Variants in ZNF185 observed in about 807,000 individuals in gnomAD.
The protein encoded by ZNF185 is zinc finger protein 185 with LIM domain, also known as zinc finger protein 185.
ZNF185 carries 56 observed loss-of-function variants against 58.6 expected under a neutral mutation model. The ratio of observed to expected loss-of-function variants is 0.95; its 90% CI spans 0.77 to 1.19. The LOEUF (loss-of-function observed/expected upper bound fraction) is 1.19. Ranked by LOEUF, ZNF185 falls within the 50% of genes most tolerant of loss-of-function variation. ZNF185 has a pLI of 0.00. For synonymous variants in ZNF185, 230 were observed against 215.9 expected (o/e 1.07, Z -0.57); for missense variants, 627 against 573.5 (o/e 1.09, Z -0.95).
Position 152,925,765 on chromosome X carries a change from C to T in ZNF185, c.831-2810C>T, listed in dbSNP as rs191695656. On this transcript the variant is annotated intron_variant, in intron 11 of 22. Transcript: ENST00000449285. ...CGTGAGGAACAATGACTCAATCAAA[C>T]TCAGGGTCCTGCAGCACTTCAGAAA... Among the ~76,000 whole-genome samples, 3 of 112,328 alleles carry T rather than the reference C, an allele frequency of 2.7e-5. No individual in the cohort carries two copies. The Admixed American group carries it at 2.8e-4, about 11-fold the overall frequency.
chrX:152,960,720 C>T (rs1303480081), intron 17 of ZNF185, among the ~76,000 whole-genome samples: 1 of 112,306 alleles, frequency 8.9e-6, no homozygotes, highest in African/African-American at 3.2e-5. Context: ...TTTATATCAT[C>T]CTGAAACATT....
At chrX:152,941,197 C>T (rs2047137797) in intron 15 of ZNF185, among the ~76,000 whole-genome samples, 1 of 111,843 alleles carries the variant, frequency 8.9e-6, no homozygotes, top group African/African-American at 3.3e-5. Context: ...CAGGCTAGGT[C>T]GAGAACCATC....
the ZNF185 span, among the ~76,000 whole-genome samples, chrX:152,906,516 C>T: frequency 3.5e-5 from 4 of 113,254 alleles, no homozygotes; most frequent in Non-Finnish European, 7.5e-5. Context: ...TCCACTTGTA[C>T]TTGACAGATC....
intron 16 of ZNF185, among the ~76,000 whole-genome samples, chrX:152,947,792 C>G (rs1400097756): frequency 8.9e-6 from 1 of 112,036 alleles, no homozygotes; most frequent in African/African-American, 3.2e-5. Context: ...GGACAGTTGT[C>G]CAGCCAGGCC....
At chrX:152,964,517 A>G (rs1556913027) in intron 18 of ZNF185, among the ~76,000 whole-genome samples, 1 of 111,734 alleles carries the variant, frequency 8.9e-6, no homozygotes, top group East Asian at 2.8e-4. Context: ...AAACAACCAG[A>G]TCTTGTGTGA....
chrX:152,928,293 G>A (rs1556874261), intron 11 of ZNF185, among the ~76,000 whole-genome samples: 1 of 112,295 alleles, frequency 8.9e-6, no homozygotes, highest in African/African-American at 3.2e-5. Flanking sequence ...CCTGCAAATG[G>A]TTGGTAGAAG....
At chrX:152,899,374 C>T in the ZNF185 span, among the ~76,000 whole-genome samples, 5 of 113,003 alleles carry the variant, frequency 4.4e-5, no homozygotes, top group African/African-American at 9.6e-5. Context: ...AGCTCAGAGG[C>T]CAGCAAGTGG....
intron 17 of ZNF185, among the ~76,000 whole-genome samples, chrX:152,962,592 C>T (rs782623201): frequency 8.9e-6 from 1 of 111,971 alleles, no homozygotes; most frequent in South Asian, 3.7e-4. Context: ...TTTTGTGGGG[C>T]CTCCTCTCCC....
intron 11 of ZNF185, among the ~76,000 whole-genome samples, chrX:152,926,089 TC>T (rs782651005): frequency 8.9e-6 from 1 of 112,493 alleles, no homozygotes; most frequent in East Asian, 2.8e-4. Flanking sequence ...TGGGTCCCGG[TC>T]CTAGGCTCTG....
chrX:152,917,711 CCTTGA>C (rs1179126793), intron 5 of ZNF185, among the ~76,000 whole-genome samples: 2 of 112,431 alleles, frequency 1.8e-5, no homozygotes, highest in Non-Finnish European at 3.8e-5. Flanking sequence ...CAGTGGGCAC[CCTTGA>C]CTTGACTTGC....
chrX:152,918,938 G>A (rs1939115575), intron 6 of ZNF185, 45 bp from the exon 8 acceptor site: 1 of 1,037,512 alleles, frequency 9.6e-7, no homozygotes. Flanking sequence ...CCAAGCTGCT[G>A]AGGGTGGCAG....
chrX:152,898,537 G>A, the ZNF185 span, among the ~76,000 whole-genome samples: 1 of 112,486 alleles, frequency 8.9e-6, no homozygotes, highest in South Asian at 3.7e-4. Context: ...GTTAGTAAAC[G>A]GCGAGGGGCC....
intron 12 of ZNF185, 43 bp downstream of exon 13, chrX:152,928,704 C>G (rs1556874857): frequency 1.7e-6 from 2 of 1,167,800 alleles, no homozygotes; most frequent in East Asian, 3.0e-5. Flanking sequence ...GGACACCATT[C>G]TAGAGATGGA....
chrX:152,917,845 A>G, intron 5 of ZNF185: 1 of 1,070,777 alleles, frequency 9.3e-7, no homozygotes, highest in Non-Finnish European at 1.2e-6. Context: ...GCAAAGACAC[A>G]GGCAAGAGCC....
At chrX:152,914,728 G>A (rs1556864157) in exon 2 of ZNF185, 2 of 1,198,325 alleles carry the variant, frequency 1.7e-6, no homozygotes, top group Non-Finnish European at 1.1e-6. Flanking sequence ...CTGCCACCAG[G>A]CGAGGAGGAG....
chrX:152,968,472 C>T (rs782221891), intron 20 of ZNF185, among the ~76,000 whole-genome samples: 4 of 112,712 alleles, frequency 3.5e-5, no homozygotes, highest in South Asian at 3.7e-4. Flanking sequence ...CACACATGCA[C>T]GCACACAAAG....
At chrX:152,959,813 A>G (rs1468502861) in exon 17 of ZNF185, 5 of 1,210,451 alleles carry the variant, frequency 4.1e-6, no homozygotes, top group Non-Finnish European at 5.6e-6. Flanking sequence ...CCACTCAGCA[A>G]CCTGCAGATC....
At chrX:152,920,957 TCTTCCATTTGCCAATGG>T (rs1939585457) in intron 9 of ZNF185, among the ~76,000 whole-genome samples, 1 of 112,597 alleles carries the variant, frequency 8.9e-6, no homozygotes. Context: ...GTGGTCAAGC[TCTTCCATTTGCCAATGG>T]CTAATGGGGC....
At chrX:152,904,607 C>A in the ZNF185 span, among the ~76,000 whole-genome samples, 1 of 112,669 alleles carries the variant, frequency 8.9e-6, no homozygotes, top group Non-Finnish European at 1.9e-5. Context: ...TGGGTCCAAA[C>A]TGAGTCAGCC....
Sources: gnomAD v4.1 joint callset for allele counts (sites outside exome capture counted in the v4.1 genomes callset) on GRCh38, gnomAD v4.1.1 for gene constraint, MANE v1.5 for transcripts, NCBI Gene and HGNC (gene_info 2026-07-23, HGNC 2026-07-21) for gene names.